LIN7A: variants seen among roughly 807,000 people sequenced by gnomAD.
The protein encoded by LIN7A is lin-7 cell polarity scaffold A, also known as protein lin-7 homolog A.
Under a neutral mutation model 29.8 loss-of-function variants are expected in LIN7A, and 25 were observed. The observed-to-expected ratio is 0.84, with a 90% CI of 0.61 to 1.17. The LOEUF (loss-of-function observed/expected upper bound fraction) is 1.17. Among genes scored for constraint, LIN7A ranks in the 50% most tolerant of loss-of-function variants. LIN7A has a pLI of 0.00. For synonymous variants in LIN7A, 118 were observed against 107.5 expected, an observed-to-expected ratio of 1.10 and a Z score of -0.60; for missense variants, 239 against 287.0, an observed-to-expected ratio of 0.83 and a Z score of 1.21.
intron 1 of LIN7A, chr12:80,935,894 T>A (rs1878190087): frequency 2.5e-6 from 1 of 393,150 alleles, no homozygotes; most frequent in African/African-American, 2.0e-5. Context: ...GACTGAGGCA[T>A]CTAAGGGCTA....
chr12:80,865,959 G>A (rs1171311662), intron 2 of LIN7A, among the ~76,000 whole-genome samples: 2 of 152,124 alleles, frequency 1.3e-5, no homozygotes, highest in African/African-American at 2.4e-5. Flanking sequence ...TAATTCGTGG[G>A]TCAGACAAGA....
At chr12:80,901,945 G>A (rs1048383462) in intron 1 of LIN7A, among the ~76,000 whole-genome samples, 3 of 152,116 alleles carry the variant, frequency 2.0e-5, no homozygotes, top group Non-Finnish European at 4.4e-5. Flanking sequence ...GTTTGCAGAA[G>A]TTGTTATGGT....
intron 4 of LIN7A, among the ~76,000 whole-genome samples, chr12:80,841,399 GGAAGGA>G (rs1175669121): frequency 5.9e-5 from 8 of 134,768 alleles, no homozygotes; most frequent in African/African-American, 1.9e-4. Flanking sequence ...AAGGAAGGAA[GGAAGGA>G]AGGAGGGAAA....
chr12:80,803,374 T>G (rs1000495631), intron 5 of LIN7A, among the ~76,000 whole-genome samples: 1 of 152,208 alleles, frequency 6.6e-6, no homozygotes, highest in Non-Finnish European at 1.5e-5. Context: ...CACCATTGAT[T>G]GAAGAGATTG....
chr12:80,863,622 G>A (rs550077221), intron 2 of LIN7A, among the ~76,000 whole-genome samples: 82 of 152,316 alleles, frequency 5.4e-4, no homozygotes, highest in African/African-American at 1.8e-3. Flanking sequence ...GACTCATAAT[G>A]ACCTCATTGG....
At chr12:80,809,599 G>A (rs1871193177) in intron 5 of LIN7A, among the ~76,000 whole-genome samples, 1 of 152,182 alleles carries the variant, frequency 6.6e-6, no homozygotes, top group African/African-American at 2.4e-5. Context: ...GAAATCCACT[G>A]AAGCTATTTT....
At chr12:80,889,400 C>T (rs1007546436) in intron 1 of LIN7A, 31 bp from the exon 2 acceptor site, 1 of 1,339,534 alleles carries the variant, frequency 7.5e-7, no homozygotes, top group African/African-American at 1.4e-5. Flanking sequence ...ATAGAGAAAC[C>T]TAGAATAAAT....
intron 4 of LIN7A, among the ~76,000 whole-genome samples, chr12:80,838,097 C>T (rs1354528893): frequency 6.6e-6 from 1 of 152,166 alleles, no homozygotes; most frequent in Admixed American, 6.5e-5. Flanking sequence ...GTCAAATACC[C>T]ATTACCAGCA....
chr12:80,824,157 G>A (rs960453199), intron 4 of LIN7A, among the ~76,000 whole-genome samples: 4 of 151,996 alleles, frequency 2.6e-5, no homozygotes, highest in Non-Finnish European at 5.9e-5. Flanking sequence ...ATCCAAATAA[G>A]CTTAATTAGA....
At chr12:80,845,287 G>A (rs1032698891) in intron 4 of LIN7A, among the ~76,000 whole-genome samples, 6 of 150,372 alleles carry the variant, frequency 4.0e-5, no homozygotes, top group Admixed American at 3.3e-4. Flanking sequence ...TTTCATATGT[G>A]TTATTATTAC....
At position 80,796,060 on chromosome 12, in the gene LIN7A, C is replaced by T. The variant is rs1408231731; in HGVS notation, c.*1667G>A. ...AAGAGCAGGGAAAACCTGGTATTGACAATACTATCACCCAACAGGGCATAA... is the reference window on the plus strand; with the variant it reads ...AAGAGCAGGGAAAACCTGGTATTGATAATACTATCACCCAACAGGGCATAA... On this transcript the variant is annotated 3_prime_UTR_variant, in exon 6 of 6. Coordinates refer to ENST00000552864, the MANE Select transcript of LIN7A (RefSeq NM_004664.4). The T allele has an allele frequency of 6.6e-6, 1 of 152,166 alleles. No homozygotes were observed. Among genetic ancestry groups the T allele is most frequent in the Non-Finnish European group, 1.5e-5 (1 of 68,012 alleles). 9.4% of individuals were successfully genotyped at this position (152,166 alleles called of 1,614,324 possible).
chr12:80,795,483 A>G lies in LIN7A; in HGVS notation c.*2244T>C, dbSNP rs1870403667. 6.6e-6 allele frequency: 1 copy of G among 152,106 alleles called. No homozygotes were observed. Among genetic ancestry groups the G allele is most frequent in the East Asian group, 1.9e-4 (1 of 5,192 alleles). The allele number at this position is 152,106 out of a possible 1,614,324, so 9.4% of individuals were successfully genotyped here. On this transcript the variant is annotated 3_prime_UTR_variant, in exon 6 of 6. Coordinates refer to ENST00000552864, the MANE Select transcript of LIN7A (RefSeq NM_004664.4). ...AAGGTTTCTAGAAAACACAAATGTAAACTATCTTACCATTTGATAGTTGTT... is the reference window on the plus strand; with the variant it reads ...AAGGTTTCTAGAAAACACAAATGTAGACTATCTTACCATTTGATAGTTGTT...
At chr12:80,847,545 T>G (rs538305988) in intron 3 of LIN7A, among the ~76,000 whole-genome samples, 1 of 152,352 alleles carries the variant, frequency 6.6e-6, no homozygotes, top group East Asian at 1.9e-4. Context: ...ATAAAGTATT[T>G]TTAAAAGCAA....
chr12:80,931,641 GAA>G (rs796841053), intron 1 of LIN7A, among the ~76,000 whole-genome samples: 19,938 of 104,906 alleles, frequency 0.19, 2,807 homozygotes, highest in African/African-American at 0.39. Flanking sequence ...CTGTCAAAAA[GAA>G]AAAAAAAAAA....
chr12:80,912,713 C>CAAAAAAAAA (rs5799498), intron 1 of LIN7A, among the ~76,000 whole-genome samples: 4 of 135,354 alleles, frequency 3.0e-5, no homozygotes, highest in South Asian at 4.7e-4. Context: ...AGACTTGTCT[C>CAAAAAAAAA]AAAAAAAAAA....
intron 2 of LIN7A, among the ~76,000 whole-genome samples, chr12:80,877,515 A>G (rs911498794): frequency 9.2e-5 from 14 of 152,140 alleles, no homozygotes; most frequent in Non-Finnish European, 2.1e-4. Flanking sequence ...TACTGCAATC[A>G]GACTATATAC....
At chr12:80,828,896 A>AGAG (rs1017201928) in intron 4 of LIN7A, among the ~76,000 whole-genome samples, 1 of 152,182 alleles carries the variant, frequency 6.6e-6, no homozygotes, top group African/African-American at 2.4e-5. Context: ...GTGGAGAGAG[A>AGAG]GAGGGGCTGG....
At chr12:80,825,583 A>T (rs571599435) in intron 4 of LIN7A, among the ~76,000 whole-genome samples, 5 of 152,208 alleles carry the variant, frequency 3.3e-5, no homozygotes, top group African/African-American at 1.2e-4. Flanking sequence ...GGGGTTCTAT[A>T]AAAGATTTGC....
At chr12:80,821,089 C>G (rs1413203763) in intron 4 of LIN7A, among the ~76,000 whole-genome samples, 1 of 152,224 alleles carries the variant, frequency 6.6e-6, no homozygotes, top group Non-Finnish European at 1.5e-5. Flanking sequence ...GTTCCACTTA[C>G]AAAATGCAAA....
Sources: gnomAD v4.1 joint callset for allele counts (sites outside exome capture counted in the v4.1 genomes callset) on GRCh38, gnomAD v4.1.1 for gene constraint, MANE v1.5 for transcripts, NCBI Gene and HGNC (gene_info 2026-07-23, HGNC 2026-07-21) for gene names.